Variants in MAMDC2 observed in about 807,000 individuals in gnomAD.
The protein encoded by MAMDC2 is MAM domain-containing protein 2.
Under a neutral mutation model 89.8 loss-of-function variants are expected in MAMDC2, and 57 were observed. The observed-to-expected ratio is 0.63, with a 90% CI of 0.51 to 0.79. MAMDC2 has a LOEUF of 0.79. MAMDC2 is among the 30% of genes least tolerant of loss of function. MAMDC2 has a pLI of 0.00. For synonymous variants in MAMDC2, 313 were observed against 293.4 expected (o/e 1.07, Z -0.68); for missense variants, 800 against 820.6 (o/e 0.97, Z 0.31).
chr9:70,077,664 C>A (rs1207041574), intron 2 of MAMDC2, among the ~76,000 whole-genome samples: 1 of 152,138 alleles, frequency 6.6e-6, no homozygotes, highest in Non-Finnish European at 1.5e-5. Flanking sequence ...ATGGTAGTGT[C>A]ATGTTAGTGC....
intron 6 of MAMDC2, among the ~76,000 whole-genome samples, chr9:70,126,882 TGTC>T (rs1409561421): frequency 1.3e-5 from 2 of 152,084 alleles, no homozygotes; most frequent in East Asian, 1.9e-4. Flanking sequence ...GCATAAATAA[TGTC>T]GTAAAATCAG....
At chr9:70,183,761 C>T (rs1055188656) in intron 11 of MAMDC2, among the ~76,000 whole-genome samples, 4 of 152,044 alleles carry the variant, frequency 2.6e-5, no homozygotes, top group African/African-American at 9.7e-5. Context: ...AGATGAGTCT[C>T]CTGAATACAG....
chr9:70,074,211 A>G (rs888385009), intron 2 of MAMDC2, among the ~76,000 whole-genome samples: 1 of 152,192 alleles, frequency 6.6e-6, no homozygotes, highest in Admixed American at 6.5e-5. Flanking sequence ...TTCTCCATCT[A>G]TTATGAATGT....
intron 11 of MAMDC2, among the ~76,000 whole-genome samples, chr9:70,203,401 T>A (rs1301522140): frequency 2.3e-5 from 3 of 128,370 alleles, no homozygotes; most frequent in South Asian, 2.9e-4. Flanking sequence ...TCTTCTGGCT[T>A]GTAGGGTTTC....
intron 11 of MAMDC2, among the ~76,000 whole-genome samples, chr9:70,215,260 A>AGTGTTACTG (rs1303683639): frequency 8.0e-4 from 25 of 31,430 alleles, no homozygotes; most frequent in Middle Eastern, 0.062. Context: ...CACTATGTCC[A>AGTGTTACTG]ATGTTACAAA....
At position 70,044,682 on chromosome 9, in the gene MAMDC2, A is replaced by T; in HGVS notation, c.133A>T (p.Ile45Phe). ...CTCCGTGTTGGCCTCTCTGCCGTGG[A>T]TTTTAAATGAGGAAGGTAAGGAGGC... The part of the protein sequence containing the change: ...FDSVLASLPW[I>F]LNEEGHYIYV... Residue 45 changes from isoleucine (I) to phenylalanine (F), a missense_variant, in exon 2 of 14, where the codon ATT becomes TTT. Transcript: ENST00000377182. 6.4e-7 allele frequency: 1 copy of T among 1,551,436 alleles called. No homozygotes were observed. The highest frequency in any genetic ancestry group is 1.2e-5 in the South Asian group (1 of 84,052).
intron 12 of MAMDC2, among the ~76,000 whole-genome samples, chr9:70,223,470 A>G (rs2033600893): frequency 1.3e-5 from 2 of 152,202 alleles, no homozygotes; most frequent in Admixed American, 1.3e-4. Context: ...TTTCTACACA[A>G]TGCTTGCTTT....
chr9:70,205,385 C>T (rs770041991), intron 11 of MAMDC2, among the ~76,000 whole-genome samples: 15 of 152,086 alleles, frequency 9.9e-5, no homozygotes, highest in Non-Finnish European at 1.3e-4. Context: ...AATTTTAGAG[C>T]GACACCTTCT....
intron 8 of MAMDC2, among the ~76,000 whole-genome samples, chr9:70,142,942 A>AT (rs2118415126): frequency 6.6e-6 from 1 of 152,140 alleles, no homozygotes. Flanking sequence ...TCCTGATCTT[A>AT]TTTTTCTTTA....
intron 2 of MAMDC2, among the ~76,000 whole-genome samples, chr9:70,091,308 A>G (rs548091281): frequency 7.2e-5 from 11 of 152,280 alleles, no homozygotes; most frequent in African/African-American, 2.4e-4. Context: ...GCTATGCTGG[A>G]GTAGGTCACA....
At chr9:70,069,289 A>T (rs1184354205) in intron 2 of MAMDC2, among the ~76,000 whole-genome samples, 1 of 152,214 alleles carries the variant, frequency 6.6e-6, no homozygotes, top group African/African-American at 2.4e-5. Context: ...GTCAAGTGTA[A>T]AGAGCCACAT....
intron 4 of MAMDC2, 136 bp downstream of exon 4, chr9:70,109,940 C>G: frequency 1.4e-6 from 1 of 710,330 alleles, no homozygotes; most frequent in Non-Finnish European, 2.5e-6. Context: ...GGTTTAAATT[C>G]TTTGCTAGAT....
At chr9:70,213,217 T>C (rs1208192973) in intron 11 of MAMDC2, among the ~76,000 whole-genome samples, 2 of 152,172 alleles carry the variant, frequency 1.3e-5, no homozygotes, top group Non-Finnish European at 2.9e-5. Flanking sequence ...TTACTTCCCC[T>C]CCATTTTGAA....
intron 9 of MAMDC2, among the ~76,000 whole-genome samples, chr9:70,152,976 C>T (rs890502299): frequency 5.3e-5 from 8 of 152,058 alleles, no homozygotes; most frequent in African/African-American, 1.7e-4. Context: ...GTCCTGATCC[C>T]CATAAGGTTT....
At chr9:70,141,496 T>A (rs866941649) in intron 8 of MAMDC2, among the ~76,000 whole-genome samples, 8 of 152,190 alleles carry the variant, frequency 5.3e-5, no homozygotes, top group Admixed American at 1.3e-4. Flanking sequence ...AACAAACTTA[T>A]AAGCACAGGT....
chr9:70,112,865 C>A, intron 4 of MAMDC2, 130 bp from the exon 5 acceptor site: 2 of 1,116,182 alleles, frequency 1.8e-6, no homozygotes, highest in Non-Finnish European at 2.6e-6. Context: ...TGCAGGGGTC[C>A]TGGTAGAAAG....
At chr9:70,166,782 A>C (rs1286466959) in intron 9 of MAMDC2, among the ~76,000 whole-genome samples, 1 of 152,152 alleles carries the variant, frequency 6.6e-6, no homozygotes, top group African/African-American at 2.4e-5. Flanking sequence ...GTAGGTAATG[A>C]TTTAGATGGT....
chr9:70,170,372 C>T (rs995678319), intron 10 of MAMDC2, 107 bp from the exon 11 acceptor site: 25 of 1,291,414 alleles, frequency 1.9e-5, no homozygotes, highest in East Asian at 1.5e-4. Flanking sequence ...GCCTCTCCAT[C>T]GCATGGCATA....
At chr9:70,212,558 G>A (rs2033376730) in intron 11 of MAMDC2, among the ~76,000 whole-genome samples, 1 of 152,164 alleles carries the variant, frequency 6.6e-6, no homozygotes, top group African/African-American at 2.4e-5. Flanking sequence ...AGGGAATTCT[G>A]CGACCCCTTG....
Sources: gnomAD v4.1 joint callset for allele counts (sites outside exome capture counted in the v4.1 genomes callset) on GRCh38, gnomAD v4.1.1 for gene constraint, MANE v1.5 for transcripts, NCBI Gene and HGNC (gene_info 2026-07-23, HGNC 2026-07-21) for gene names.